Variants in CEP192 observed in about 807,000 individuals in gnomAD.
CEP192 encodes the protein centrosomal protein of 192 kDa.
A neutral mutation model predicts 271.8 loss-of-function variants in CEP192; 151 were observed. The ratio of observed to expected loss-of-function variants is 0.56; its 90% CI spans 0.49 to 0.64. The LOEUF (loss-of-function observed/expected upper bound fraction) is 0.64. Among genes scored for constraint, CEP192 ranks in the 30% least tolerant of loss-of-function variants. The probability of loss-of-function intolerance (pLI) is 0.00; values close to 1 mark genes in which losing one functional copy is unlikely to be tolerated. For missense variants in CEP192, 2,910 were observed against 3,020.5 expected (o/e 0.96, Z 0.86); for synonymous variants, 995 against 1,076.5 (o/e 0.92, Z 1.48).
intron 9 of CEP192, among the ~76,000 whole-genome samples, chr18:13,027,586 T>C (rs1323209180): frequency 1.3e-5 from 2 of 152,196 alleles, no homozygotes; most frequent in Non-Finnish European, 2.9e-5. Context: ...CCCCAGTTTA[T>C]CCTGTTACCT....
chr18:13,048,300 C>T (rs2036587443), intron 15 of CEP192, among the ~76,000 whole-genome samples: 1 of 152,196 alleles, frequency 6.6e-6, no homozygotes, highest in Non-Finnish European at 1.5e-5. Context: ...AGCTTCTCCA[C>T]CCGTCTTCAC....
chr18:13,112,572 A>G (rs2040254538), intron 40 of CEP192, among the ~76,000 whole-genome samples: 1 of 152,156 alleles, frequency 6.6e-6, no homozygotes, highest in Admixed American at 6.5e-5. Flanking sequence ...TTGAAGGGGT[A>G]TAGTTAGGAT....
Position 13,117,642 on chromosome 18 carries a change from A to G in CEP192, c.7474A>G (p.Arg2492Gly). 1 of 1,611,534 alleles carries G rather than the reference A, an allele frequency of 6.2e-7. No individual in the cohort carries two copies. Among genetic ancestry groups the G allele is most frequent in the Non-Finnish European group, 8.5e-7 (1 of 1,177,834 alleles). Residue 2492 changes from arginine (R) to glycine (G), a missense_variant and splice_region_variant, in exon 44 of 45, where the codon AGA (arginine) becomes GGA (glycine). Transcript: ENST00000506447. ...FYVKHSKYSLRAQHYINMPVQ... is the reference protein window; with the variant it reads ...FYVKHSKYSLGAQHYINMPVQ... Reference sequence around the variant, plus strand: ...TGTCAAACATTCCAAGTACTCTTTGAGGTAAGTTTATCGCAGATCACAGTG... The same window carrying G: ...TGTCAAACATTCCAAGTACTCTTTGGGGTAAGTTTATCGCAGATCACAGTG...
In CEP192 at chr18:13,040,968, A is replaced by G; in HGVS notation, c.1936+12A>G. The G allele has an allele frequency of 6.3e-7, 1 of 1,592,596 alleles. No homozygotes were observed. Among genetic ancestry groups the G allele is most frequent in the Non-Finnish European group, 8.5e-7 (1 of 1,172,980 alleles). On this transcript the variant is annotated intron_variant, in intron 14 of 44. Transcript: ENST00000506447. The stretch of plus-strand genomic sequence containing the variant: ...TGATCTATATTCAGGTAATGGATTC[A>G]ATGAAGGGGCTTTTAGGAATCTTTT...
Position 13,001,582 on chromosome 18 carries a change from A to G in CEP192, c.290A>G (p.Asp97Gly), listed in dbSNP as rs2033647635. 6.5e-7 allele frequency: 1 copy of G among 1,546,092 alleles called. No individual in the cohort carries two copies. ...ERLQLSFQDD[D>G]SISRKKSYVE... is the part of the protein sequence containing the mutation. ...TTACAGCTTAGCTTCCAGGATGATGAGTAAGTTCATACCTTCATTTGCTTG... is the reference window on the plus strand; with the variant it reads ...TTACAGCTTAGCTTCCAGGATGATGGGTAAGTTCATACCTTCATTTGCTTG... The change falls in exon 3 of 45, where the codon GAT becomes GGT. Residue 97 changes from aspartate to glycine, a missense_variant and splice_region_variant. Transcript: ENST00000506447.
intron 13 of CEP192, among the ~76,000 whole-genome samples, chr18:13,039,913 G>A (rs2036114761): frequency 6.6e-6 from 1 of 152,136 alleles, no homozygotes; most frequent in African/African-American, 2.4e-5. Context: ...GCAGAGAAAA[G>A]GGCAAGAATT....
At chr18:13,053,352 T>G (rs539243314) in intron 18 of CEP192, among the ~76,000 whole-genome samples, 1 of 152,280 alleles carries the variant, frequency 6.6e-6, no homozygotes, top group East Asian at 1.9e-4. Flanking sequence ...GCTGCGCGCA[T>G]ACTATGGGGA....
chr18:13,103,632 C>A, intron 39 of CEP192, 44 bp downstream of exon 39: 1 of 1,408,640 alleles, frequency 7.1e-7, no homozygotes, highest in Non-Finnish European at 1.0e-6. Flanking sequence ...AATGTTTAGA[C>A]TTTATCCAGG....
chr18:13,105,206 A>G, intron 40 of CEP192, 127 bp downstream of exon 40: 1 of 702,356 alleles, frequency 1.4e-6, no homozygotes, highest in South Asian at 1.7e-5. Context: ...TGCACACGAG[A>G]GAAGAGTCTG....
At chr18:13,076,439 A>G (rs1368511843) in intron 30 of CEP192, among the ~76,000 whole-genome samples, 3 of 151,870 alleles carry the variant, frequency 2.0e-5, no homozygotes, top group Non-Finnish European at 4.4e-5. Context: ...GATGGTCTTG[A>G]TCTCTTGACC....
In CEP192 at chr18:13,087,082, C is replaced by T. The variant is rs2144691899; in HGVS notation, c.5682C>T (p.Asp1894=). The T allele has an allele frequency of 1.2e-6, 2 of 1,613,268 alleles. No homozygotes were observed. The highest frequency in any genetic ancestry group is 2.2e-5 in the East Asian group (1 of 44,860). Residue 1894 remains aspartate (D), a synonymous_variant, in exon 31 of 45, where the codon GAC becomes GAT. Coordinates refer to ENST00000506447, the MANE Select transcript of CEP192 (RefSeq NM_032142.4). The part of the protein sequence containing the change: ...LILEGVKKLS[D]SYMVTVNGLV... ...TGGAAGGCGTTAAAAAATTATCTGACAGTTACATGGTAACAGTGAATGGCT... is the reference window on the plus strand; with the variant it reads ...TGGAAGGCGTTAAAAAATTATCTGATAGTTACATGGTAACAGTGAATGGCT...
In CEP192 at chr18:13,075,712, A is replaced by T. The variant is rs7238658; in HGVS notation, c.5616+2527A>T. On this transcript the variant is annotated intron_variant, in intron 30 of 44. Coordinates refer to ENST00000506447, the MANE Select transcript of CEP192 (RefSeq NM_032142.4). ...GTTATAGCAACACAAACAGACTAAG[A>T]TGGTGGATTGTCACATTTTTATCTT... Among the ~76,000 whole-genome samples the T allele has an allele frequency of 7.6e-3, 1,159 of 152,326 alleles. 13 individuals carry two copies. The highest frequency in any genetic ancestry group is 0.026 in the African/African-American group (1,088 of 41,572).
At chr18:13,052,869 A>T (rs1036984985) in intron 17 of CEP192, 50 bp from the exon 18 acceptor site, 1 of 1,410,254 alleles carries the variant, frequency 7.1e-7, no homozygotes, top group Admixed American at 2.3e-5. Context: ...GCTAATGTAG[A>T]TAGTTGAAGG....
At position 13,075,990 on chromosome 18, in the gene CEP192, A is replaced by T. The variant is rs115605601; in HGVS notation, c.5616+2805A>T. On this transcript the variant is annotated intron_variant, in intron 30 of 44. Coordinates refer to ENST00000506447, the MANE Select transcript of CEP192 (RefSeq NM_032142.4). ...AGAGCTTGTGTTACCCCCAGGGGAC[A>T]TTGGCAGAGTCTGGAGTTACTTTTC... is the stretch of plus-strand genomic sequence containing the variant. Among the ~76,000 whole-genome samples, 375 of 152,292 alleles carry T rather than the reference A, an allele frequency of 2.5e-3. 3 individuals carry two copies. The highest frequency in any genetic ancestry group is 8.8e-3 in the African/African-American group (364 of 41,554).
intron 11 of CEP192, among the ~76,000 whole-genome samples, chr18:13,036,529 A>G (rs1048891191): frequency 6.6e-6 from 1 of 152,226 alleles, no homozygotes; most frequent in African/African-American, 2.4e-5. Flanking sequence ...GCTGGCATAC[A>G]TTTCACCAAC....
At chr18:13,029,158 G>A (rs187506283) in intron 9 of CEP192, among the ~76,000 whole-genome samples, 166 of 152,334 alleles carry the variant, frequency 1.1e-3, no homozygotes, top group African/African-American at 3.8e-3. Flanking sequence ...GTTTTGGAGA[G>A]CATAGTTTGA....
At chr18:13,064,258 G>A (rs566215090) in intron 21 of CEP192, among the ~76,000 whole-genome samples, 26 of 151,924 alleles carry the variant, frequency 1.7e-4, no homozygotes, top group Admixed American at 1.1e-3. Context: ...TTTTCCCAGC[G>A]CCATTTATTC....
At position 13,114,236 on chromosome 18, in the gene CEP192, C is replaced by T. The variant is rs1177658323; in HGVS notation, c.7274C>T (p.Ser2425Phe). The change falls in exon 42 of 45, where the codon TCT (serine) becomes TTT (phenylalanine). Residue 2425 changes from serine (S) to phenylalanine (F), a missense_variant. By Grantham distance (155) the Ser-to-Phe change is radical (BLOSUM62 -2). Coordinates refer to ENST00000506447, the MANE Select transcript of CEP192 (RefSeq NM_032142.4). ...KPRRQAVSEA[S>F]ARIPEQLDVT... ...CGAAGACAAGCTGTGTCAGAGGCTT[C>T]TGCTCGCATACCTGAGTATGTTGTT... 2 of 1,613,550 alleles carry T rather than the reference C, an allele frequency of 1.2e-6. No homozygotes were observed. Among genetic ancestry groups the T allele is most frequent in the Non-Finnish European group, 1.7e-6 (2 of 1,179,926 alleles).
intron 11 of CEP192, among the ~76,000 whole-genome samples, chr18:13,034,181 T>G (rs1239910633): frequency 6.6e-6 from 1 of 152,112 alleles, no homozygotes; most frequent in Admixed American, 6.5e-5. Flanking sequence ...TCCTTGTGCT[T>G]AGGGAATGAA....
Sources: allele counts gnomAD v4.1 joint callset (sites outside exome capture counted in the v4.1 genomes callset), GRCh38; gene constraint gnomAD v4.1.1; transcripts MANE v1.5; gene names NCBI Gene and HGNC (gene_info 2026-07-23, HGNC 2026-07-21).